Variants in C9orf85 observed in about 807,000 individuals in gnomAD.
C9orf85 encodes the protein uncharacterized protein C9orf85.
In C9orf85, 16 loss-of-function variants were observed where a neutral mutation model predicts 14.9. That is an observed-to-expected ratio of 1.08 (90% CI 0.73 to 1.63). The LOEUF is 1.63. Among genes scored for constraint, C9orf85 ranks in the 40% most tolerant of loss-of-function variants. C9orf85 has a pLI of 0.00. For synonymous variants in C9orf85, 45 were observed against 56.8 expected, an observed-to-expected ratio of 0.79 and a Z score of 0.93; for missense variants, 172 against 186.1, an observed-to-expected ratio of 0.92 and a Z score of 0.44.
At chr9:71,983,032 A>G (rs1463022491) in exon 4 of C9orf85, 3 of 147,742 alleles carry the variant, frequency 2.0e-5, no homozygotes, top group East Asian at 2.1e-4. Flanking sequence ...GTCTTGCTCT[A>G]TAGCCCGGGC....
chr9:71,912,529 C>G (rs1032216162), intron 1 of C9orf85, among the ~76,000 whole-genome samples: 1 of 151,980 alleles, frequency 6.6e-6, no homozygotes, highest in Non-Finnish European at 1.5e-5. Flanking sequence ...GGTGGATCAC[C>G]TGAGGTCAGG....
chr9:71,971,607 CATT>C lies in C9orf85; in HGVS notation c.313_315del (p.Ile105del), dbSNP rs771608193. On this transcript the variant is annotated inframe_deletion, in exon 3 of 4. Transcript: ENST00000334731. ...GCGCAAAATGTGGAAAGAAAGAAGACATTGTTATTCCGTGAGTGTTTCCTTTTA... is the reference window on the plus strand; with the variant it reads ...GCGCAAAATGTGGAAAGAAAGAAGACGTTATTCCGTGAGTGTTTCCTTTTA... 119 of 1,600,934 alleles carry C rather than the reference CATT, an allele frequency of 7.4e-5. No individual in the cohort carries two copies. The highest frequency in any genetic ancestry group is 9.2e-5 in the Non-Finnish European group (108 of 1,168,888).
rs374638946 is a variant in C9orf85, at chr9:71,934,303, TCAAAACAAA to T, written c.103-12691_103-12683del. ...CTGGGCAACAGAGCAGGACACTGTC[TCAAAACAAA>T]CAAAACAAACACTGTCTCAAAACAA... On this transcript the variant is annotated intron_variant, in intron 1 of 3. Coordinates refer to ENST00000334731, the MANE Select transcript of C9orf85 (RefSeq NM_182505.5). 8.6e-3 allele frequency among the ~76,000 whole-genome samples: 1,305 copies of T among 152,026 alleles called. 14 individuals carry two copies. The highest frequency in any genetic ancestry group is 0.029 in the African/African-American group (1,213 of 41,484).
chr9:71,943,523 C>T (rs1210518412), intron 1 of C9orf85, among the ~76,000 whole-genome samples: 2 of 151,898 alleles, frequency 1.3e-5, no homozygotes, highest in Non-Finnish European at 2.9e-5. Flanking sequence ...AGTCCTTTCT[C>T]GCCCAGCTTC....
intron 3 of C9orf85, 44 bp from the exon 4 acceptor site, chr9:71,972,648 T>C (rs767324416): frequency 9.1e-6 from 13 of 1,424,724 alleles, no homozygotes; most frequent in Non-Finnish European, 1.2e-5. Flanking sequence ...GGTTAAATAA[T>C]GATAGCCTGG....
chr9:71,921,635 C>T (rs1472509936), intron 1 of C9orf85, among the ~76,000 whole-genome samples: 1 of 152,180 alleles, frequency 6.6e-6, no homozygotes, highest in East Asian at 1.9e-4. Flanking sequence ...GGTACTTGTT[C>T]CCAGGACTTC....
At chr9:71,946,432 ATATCT>A (rs1305735966) in intron 1 of C9orf85, among the ~76,000 whole-genome samples, 2 of 152,324 alleles carry the variant, frequency 1.3e-5, no homozygotes, top group East Asian at 1.9e-4. Flanking sequence ...TGAAATACAC[ATATCT>A]TAACTGTGCA....
chr9:71,964,805 C>T (rs548181142), intron 2 of C9orf85, among the ~76,000 whole-genome samples: 2 of 152,224 alleles, frequency 1.3e-5, no homozygotes, highest in South Asian at 4.1e-4. Context: ...AATCTTGGGC[C>T]ATGTGGTGAG....
Position 71,967,157 on chromosome 9 carries a change from C to T in C9orf85, c.210-4348C>T, listed in dbSNP as rs551525411. On this transcript the variant is annotated intron_variant, in intron 2 of 3. Transcript: ENST00000334731. ...TGTTGTTGTAGATAAGATGTCTTTGCCTAGCTGAGGGTTCTTCTTCTAGAA... is the reference window on the plus strand; with the variant it reads ...TGTTGTTGTAGATAAGATGTCTTTGTCTAGCTGAGGGTTCTTCTTCTAGAA... Among the ~76,000 whole-genome samples, 3 of 152,226 alleles carry T rather than the reference C, an allele frequency of 2.0e-5. 1 individual carries two copies. In the East Asian group the frequency reaches 5.8e-4, roughly 29 times the overall value.
At chr9:71,977,761 G>A (rs977434690), downstream of C9orf85, among the ~76,000 whole-genome samples, 5 of 151,568 alleles carry the variant, frequency 3.3e-5, no homozygotes, top group South Asian at 2.1e-4. Flanking sequence ...TTTTTCTCTC[G>A]TATTGTTCAG....
intron 2 of C9orf85, among the ~76,000 whole-genome samples, chr9:71,948,510 TTTTA>T (rs539539060): frequency 8.0e-4 from 121 of 152,038 alleles, no homozygotes; most frequent in African/African-American, 2.7e-3. Flanking sequence ...TTTTGTTTTA[TTTTA>T]TTTATTTATT....
chr9:71,935,304 G>A (rs765641022), intron 1 of C9orf85, among the ~76,000 whole-genome samples: 8 of 152,100 alleles, frequency 5.3e-5, no homozygotes, highest in Admixed American at 1.3e-4. Context: ...AGAGATATTT[G>A]TACATCCATG....
At chr9:71,941,593 C>T (rs1410073327) in intron 1 of C9orf85, among the ~76,000 whole-genome samples, 1 of 152,138 alleles carries the variant, frequency 6.6e-6, no homozygotes, top group Non-Finnish European at 1.5e-5. Context: ...TCTAAAATGA[C>T]TTGCTTGTTA....
intron 1 of C9orf85, among the ~76,000 whole-genome samples, chr9:71,913,338 C>A (rs2132236787): frequency 6.6e-6 from 1 of 152,232 alleles, no homozygotes; most frequent in South Asian, 2.1e-4. Flanking sequence ...CATAGGTATA[C>A]CGTGTTCAAA....
downstream of C9orf85, among the ~76,000 whole-genome samples, chr9:71,975,648 C>A (rs995029129): frequency 1.7e-4 from 26 of 152,228 alleles, no homozygotes; most frequent in African/African-American, 5.5e-4. Flanking sequence ...GCCTGACCAA[C>A]ACAGAGAAAC....
chr9:71,983,368 C>A (rs536327835), downstream of C9orf85: 1 of 152,244 alleles, frequency 6.6e-6, no homozygotes, highest in Admixed American at 6.5e-5. Flanking sequence ...AGATGTGTTG[C>A]CCATTTTAAA....
Position 71,938,774 on chromosome 9 carries a change from T to C in C9orf85, c.103-8232T>C, listed in dbSNP as rs559525221. Among the ~76,000 whole-genome samples, 22 of 151,866 alleles carry C rather than the reference T, an allele frequency of 1.4e-4. No individual in the cohort carries two copies. The South Asian group carries it at 1.5e-3, about 10-fold the overall frequency. On this transcript the variant is annotated intron_variant, in intron 1 of 3. Transcript: ENST00000334731. ...AATGGGATGAGAATTTACATGTTTA[T>C]TAGAAGTTTTCTGATATTTATAGGC...
At chr9:71,950,484 C>T (rs1263640284) in intron 2 of C9orf85, among the ~76,000 whole-genome samples, 2 of 152,144 alleles carry the variant, frequency 1.3e-5, no homozygotes, top group Non-Finnish European at 2.9e-5. Context: ...TCTTCTGCCT[C>T]AGCCTCTGGA....
chr9:71,983,528 A>G (rs941667354), downstream of C9orf85: 2 of 152,230 alleles, frequency 1.3e-5, no homozygotes, highest in African/African-American at 4.8e-5. Flanking sequence ...TAAGAAACTA[A>G]CGGTGTGGAT....
Sources: allele counts gnomAD v4.1 joint callset (sites outside exome capture counted in the v4.1 genomes callset), GRCh38; gene constraint gnomAD v4.1.1; transcripts MANE v1.5; gene names NCBI Gene and HGNC (gene_info 2026-07-23, HGNC 2026-07-21).